Variants in TELO2 observed in about 807,000 individuals in gnomAD.
TELO2 encodes the protein telomere length regulation protein TEL2 homolog.
TELO2 carries 71 observed loss-of-function variants against 91.0 expected under a neutral mutation model. That is an observed-to-expected ratio of 0.78 (90% CI 0.64 to 0.95). The LOEUF (loss-of-function observed/expected upper bound fraction) is 0.95. TELO2 is among the 40% of genes least tolerant of loss of function. The pLI, the probability that TELO2 is intolerant of heterozygous loss-of-function variation, is 0.00. For synonymous variants in TELO2, 584 were observed against 518.9 expected, an observed-to-expected ratio of 1.13 and a Z score of -1.71; for missense variants, 1,183 against 1,141.3, an observed-to-expected ratio of 1.04 and a Z score of -0.53.
At position 1,507,593 on chromosome 16, in the gene TELO2, G is replaced by A. The variant is rs1388414275; in HGVS notation, c.2292-8G>A. Reference sequence around the variant, plus strand: ...TGCCGAGCTCAGCCCCCGCCTTCTTGCCGGCAGCTACGTGCGCCAGGGGCT... The same window carrying A: ...TGCCGAGCTCAGCCCCCGCCTTCTTACCGGCAGCTACGTGCGCCAGGGGCT... On this transcript the variant is annotated splice_polypyrimidine_tract_variant and splice_region_variant and intron_variant, in intron 19 of 20. Coordinates refer to ENST00000262319, the MANE Select transcript of TELO2 (RefSeq NM_016111.4). The A allele has an allele frequency of 6.3e-7, 1 of 1,579,670 alleles. No individual in the cohort carries two copies. Among genetic ancestry groups the A allele is most frequent in the Non-Finnish European group, 8.5e-7 (1 of 1,170,032 alleles).
chr16:1,493,771 C>A lies in TELO2; in HGVS notation c.-37+166C>A, dbSNP rs570527079. ...GCGGGTCCGCGTGCGGCTCCTCTAG[C>A]CCCGAACCCGTGTTCCCCGTAAGCT... On this transcript the variant is annotated intron_variant, in intron 1 of 20. Transcript: ENST00000262319. The surrounding 1 kb of genome is among the most constrained non-coding windows in gnomAD (Gnocchi z 4.3). Among the ~76,000 whole-genome samples the A allele has an allele frequency of 5.6e-4, 85 of 152,356 alleles. No individual in the cohort carries two copies. Among genetic ancestry groups the A allele is most frequent in the African/African-American group, 1.9e-3 (81 of 41,578 alleles).
intron 17 of TELO2, 155 bp from the exon 18 acceptor site, chr16:1,506,797 G>A (rs929320478): frequency 2.0e-5 from 29 of 1,417,574 alleles, no homozygotes; most frequent in African/African-American, 1.3e-4. Flanking sequence ...GTAGGCACCC[G>A]GAAATGTCTG....
chr16:1,495,495 C>T lies in TELO2; in HGVS notation c.485C>T (p.Ala162Val). The T allele has an allele frequency of 2.5e-6, 4 of 1,610,958 alleles. No homozygotes were observed. The highest frequency in any genetic ancestry group is 3.4e-6 in the Non-Finnish European group (4 of 1,179,774). ...GAGACGCTGCTGGGCAAGGTGGTGGCCCTGCCCGATCACCTGGGCAACCGC... is the reference window on the plus strand; with the variant it reads ...GAGACGCTGCTGGGCAAGGTGGTGGTCCTGCCCGATCACCTGGGCAACCGC... ...LRETLLGKVV[A>V]LPDHLGNRLQ... Residue 162 changes from alanine to valine, a missense_variant, in exon 3 of 21, where the codon GCC (alanine) becomes GTC (valine). Coordinates refer to ENST00000262319, the MANE Select transcript of TELO2 (RefSeq NM_016111.4).
chr16:1,502,505 G>T, intron 13 of TELO2, 101 bp downstream of exon 13: 2 of 1,505,128 alleles, frequency 1.3e-6, no homozygotes, highest in South Asian at 2.5e-5. Flanking sequence ...TCCCGTGTGT[G>T]ACAGGGCTGC....
rs920252839 is a variant in TELO2, at chr16:1,497,779, T to C, written c.830+271T>C. On this transcript the variant is annotated intron_variant, in intron 5 of 20. Transcript: ENST00000262319. The surrounding 1 kb of genome is among the most constrained non-coding windows in gnomAD (Gnocchi z 4.0). The stretch of plus-strand genomic sequence containing the variant: ...TGTACCTTGGGCCGTCCACCCGTCC[T>C]GCGCCTGTGGTCCCCCTCGCACACG... 1.3e-5 allele frequency among the ~76,000 whole-genome samples: 2 copies of C among 152,222 alleles called. No homozygotes were observed. The highest frequency in any genetic ancestry group is 2.4e-5 in the African/African-American group (1 of 41,458).
Position 1,502,167 on chromosome 16 carries a change from G to T in TELO2, c.1561+32G>T, listed in dbSNP as rs1400266851. The T allele has an allele frequency of 9.9e-6, 16 of 1,610,862 alleles. No homozygotes were observed. The East Asian group carries it at 3.3e-4, about 34-fold the overall frequency. On this transcript the variant is annotated intron_variant, in intron 12 of 20. Transcript: ENST00000262319. ...ACGGGCCCCTGGAGGGCCTTGCTGG[G>T]CTGGGCATGGGTCCCGCTCACAGCC...
chr16:1,495,743 C>T (rs1239797101), intron 3 of TELO2, 120 bp downstream of exon 3: 4 of 1,380,216 alleles, frequency 2.9e-6, no homozygotes, highest in Non-Finnish European at 3.9e-6. Flanking sequence ...TGCCGTCAGG[C>T]AGGTGGGGAT....
At position 1,502,714 on chromosome 16, in the gene TELO2, C is replaced by T; in HGVS notation, c.1723C>T (p.Leu575=). 1.2e-6 allele frequency: 2 copies of T among 1,612,726 alleles called. No individual in the cohort carries two copies. Among genetic ancestry groups the T allele is most frequent in the Non-Finnish European group, 8.5e-7 (1 of 1,179,884 alleles). Residue 575 remains leucine, a synonymous_variant, in exon 14 of 21, where the codon CTG becomes TTG. Transcript: ENST00000262319. ...GACCTGTGTGGTGGGATTTGCAGGG[C>T]TGCGCCAGAGAGCCCTGGTGGCCGT... ...EKTCVVGFAG[L]RQRALVAVTV...
rs1327269897 is a variant in TELO2 at position 1,502,380 on chromosome 16, C to T, written c.1629C>T (p.Tyr543=). The change falls in exon 13 of 21, where the codon TAC becomes TAT. Residue 543 remains tyrosine (Y), a synonymous_variant. Coordinates refer to ENST00000262319, the MANE Select transcript of TELO2 (RefSeq NM_016111.4). ...AALRALEGLV[Y]RSPTATREVS... ...TGCGGGCCCTTGAGGGCCTGGTCTACAGGAGCCCCACAGCCACTCGGGAGG... is the reference window on the plus strand; with the variant it reads ...TGCGGGCCCTTGAGGGCCTGGTCTATAGGAGCCCCACAGCCACTCGGGAGG... 1.9e-6 allele frequency: 3 copies of T among 1,602,834 alleles called. No homozygotes were observed. Among genetic ancestry groups the T allele is most frequent in the African/African-American group, 1.3e-5 (1 of 74,816 alleles).
chr16:1,509,348 T>A (rs1490921515), intron 20 of TELO2, among the ~76,000 whole-genome samples: 1 of 152,016 alleles, frequency 6.6e-6, no homozygotes, highest in African/African-American at 2.4e-5. Context: ...CCCCCAAGGC[T>A]CCCCGGGGCC....
chr16:1,502,422 G>C lies in TELO2; in HGVS notation c.1653+18G>C, dbSNP rs772453814. ...CTCGGGAGGTGAGTGGGGGGCGGGA[G>C]TGGGTGGGGAGGCCCAAGATGGTAG... On this transcript the variant is annotated intron_variant, in intron 13 of 20. Coordinates refer to ENST00000262319, the MANE Select transcript of TELO2 (RefSeq NM_016111.4). 5.1e-6 allele frequency: 8 copies of C among 1,579,180 alleles called. No individual in the cohort carries two copies. In the Admixed American group the frequency reaches 1.5e-4, roughly 29 times the overall value.
intron 3 of TELO2, among the ~76,000 whole-genome samples, chr16:1,495,862 G>A (rs2039472993): frequency 1.3e-5 from 2 of 152,230 alleles, no homozygotes; most frequent in East Asian, 1.9e-4. Flanking sequence ...GGTTTCCAGG[G>A]CCCAACTGTG....
chr16:1,502,456 A>C (rs568180069), intron 13 of TELO2, 52 bp downstream of exon 13: 1 of 1,550,516 alleles, frequency 6.4e-7, no homozygotes, highest in Non-Finnish European at 8.7e-7. Context: ...AGCTCCCTCA[A>C]TGCCATCTGT....
intron 17 of TELO2, 160 bp from the exon 18 acceptor site, chr16:1,506,792 C>T: frequency 7.1e-7 from 1 of 1,416,646 alleles, no homozygotes; most frequent in Non-Finnish European, 9.2e-7. Flanking sequence ...GGGGAGTAGG[C>T]ACCCGGAAAT....
At chr16:1,507,929 G>GGT (rs1156341131) in intron 20 of TELO2, among the ~76,000 whole-genome samples, 2 of 139,820 alleles carry the variant, frequency 1.4e-5, no homozygotes, top group African/African-American at 5.5e-5. Flanking sequence ...TGTGTGTGTG[G>GGT]GTGTGTGTGT....
At chr16:1,501,902 G>C (rs2039700266) in intron 11 of TELO2, 129 bp downstream of exon 11, 1 of 1,435,156 alleles carries the variant, frequency 7.0e-7, no homozygotes, top group Non-Finnish European at 9.7e-7. Flanking sequence ...CCTCATGTGA[G>C]GGCCCGCAGC....
chr16:1,495,670 T>G, intron 3 of TELO2, 47 bp downstream of exon 3: 1 of 1,536,298 alleles, frequency 6.5e-7, no homozygotes, highest in African/African-American at 1.4e-5. Flanking sequence ...TCTTCTTGGG[T>G]CCTCGTCCCC....
rs755516702 is a variant in TELO2 at position 1,501,734 on chromosome 16, C to G, written c.1433C>G (p.Pro478Arg). Residue 478 changes from proline to arginine, a missense_variant, in exon 11 of 21, where the codon CCC (proline) becomes CGC (arginine). By Grantham distance (103) the Pro-to-Arg change is moderately radical. Transcript: ENST00000262319. The stretch of plus-strand genomic sequence containing the variant: ...GCAGAGATCGTGGATGGCGGCGTCC[C>G]CCAAGCACAGCTGGCGGGCTCTGAC... ...TPAEIVDGGVPQAQLAGSDSD... is the reference protein window; with the variant it reads ...TPAEIVDGGVRQAQLAGSDSD... 3.7e-6 allele frequency: 6 copies of G among 1,611,842 alleles called. No individual in the cohort carries two copies. The highest frequency in any genetic ancestry group is 2.7e-5 in the African/African-American group (2 of 74,928).
In TELO2 at chr16:1,506,218, G is replaced by T. The variant is rs180974821; in HGVS notation, c.2035-20G>T. On this transcript the variant is annotated intron_variant, in intron 16 of 20. Coordinates refer to ENST00000262319, the MANE Select transcript of TELO2 (RefSeq NM_016111.4). Reference sequence around the variant, plus strand: ...TGCCCAAGCCTGCACCTCCGTGATCGCTGTAGTTGTGTCTGGCAGGGTGGC... The same window carrying T: ...TGCCCAAGCCTGCACCTCCGTGATCTCTGTAGTTGTGTCTGGCAGGGTGGC... The T allele has an allele frequency of 2.5e-6, 4 of 1,612,490 alleles. No homozygotes were observed. The Admixed American group carries it at 5.0e-5, about 20-fold the overall frequency.
Sources: gnomAD v4.1 joint callset for allele counts (sites outside exome capture counted in the v4.1 genomes callset) on GRCh38, gnomAD v4.1.1 for gene constraint, Gnocchi (gnomAD v3.1) non-coding constraint, MANE v1.5 for transcripts, NCBI Gene and HGNC (gene_info 2026-07-23, HGNC 2026-07-21) for gene names.